Variants in CHSY3 observed in about 807,000 individuals in gnomAD.
CHSY3 encodes the protein N-acetylgalactosaminyl-proteoglycan 3-beta-glucuronosyltransferase 3.
Under a neutral mutation model 67.2 loss-of-function variants are expected in CHSY3, and 35 were observed. The ratio of observed to expected loss-of-function variants is 0.52; its 90% CI spans 0.40 to 0.69. The LOEUF is 0.69. Ranked by LOEUF, CHSY3 falls within the 30% of genes least tolerant of loss-of-function variation. The pLI, the probability that CHSY3 is intolerant of heterozygous loss-of-function variation, is 0.00. For synonymous variants in CHSY3, 474 were observed against 434.7 expected (o/e 1.09, Z -1.12); for missense variants, 1,069 against 1,138.5 (o/e 0.94, Z 0.88).
chr5:129,954,696 A>G (rs1257004474), intron 2 of CHSY3, among the ~76,000 whole-genome samples: 1 of 151,970 alleles, frequency 6.6e-6, no homozygotes, highest in Non-Finnish European at 1.5e-5. Context: ...GAGGTCCTTC[A>G]CATTCCTTGT....
chr5:130,001,978 A>G, intron 2 of CHSY3: 1 of 879,336 alleles, frequency 1.1e-6, no homozygotes, highest in Non-Finnish European at 1.4e-6. Context: ...TGGCTACAAT[A>G]AGCCAATGCT....
intron 2 of CHSY3, among the ~76,000 whole-genome samples, chr5:130,142,258 T>A (rs999076720): frequency 1.3e-5 from 2 of 152,206 alleles, no homozygotes; most frequent in Non-Finnish European, 2.9e-5. Context: ...GAGATGGGGA[T>A]CTTCAGAGTA....
chr5:129,981,684 A>G (rs1762989216), intron 2 of CHSY3, among the ~76,000 whole-genome samples: 1 of 151,976 alleles, frequency 6.6e-6, no homozygotes, highest in Non-Finnish European at 1.5e-5. Flanking sequence ...TGCCTGGCCA[A>G]ATCTGTATAC....
At chr5:130,176,032 A>G (rs1770038181) in intron 2 of CHSY3, among the ~76,000 whole-genome samples, 1 of 152,228 alleles carries the variant, frequency 6.6e-6, no homozygotes, top group African/African-American at 2.4e-5. Context: ...GCTTCTGCAC[A>G]GTAAAAGAAA....
intron 2 of CHSY3, among the ~76,000 whole-genome samples, chr5:130,112,847 C>A (rs920203847): frequency 2.0e-5 from 3 of 152,088 alleles, no homozygotes; most frequent in Admixed American, 2.0e-4. Context: ...ATGCCTTTGA[C>A]CACAACCCAA....
chr5:130,102,634 T>G (rs1251564245), intron 2 of CHSY3, among the ~76,000 whole-genome samples: 1 of 152,048 alleles, frequency 6.6e-6, no homozygotes, highest in African/African-American at 2.4e-5. Context: ...CACATAATAT[T>G]CCATCTGCTA....
At chr5:129,989,517 G>A (rs1451822311) in intron 2 of CHSY3, among the ~76,000 whole-genome samples, 1 of 152,046 alleles carries the variant, frequency 6.6e-6, no homozygotes, top group African/African-American at 2.4e-5. Context: ...CCTCACCCAG[G>A]CCTTAACACC....
chr5:130,128,229 G>GGTGTGTGTGTGTGTGTGTGTGT (rs112570550), intron 2 of CHSY3, among the ~76,000 whole-genome samples: 40 of 147,368 alleles, frequency 2.7e-4, no homozygotes, highest in African/African-American at 9.8e-4. Context: ...AAGAAAATGT[G>GGTGTGTGTGTGTGTGTGTGTGT]GTGTGTGTGT....
Position 130,132,417 on chromosome 5 carries a change from A to C in CHSY3, c.1087-51812A>C, listed in dbSNP as rs146662105. On this transcript the variant is annotated intron_variant, in intron 2 of 2. Coordinates refer to ENST00000305031, the MANE Select transcript of CHSY3 (RefSeq NM_175856.5). The stretch of plus-strand genomic sequence containing the variant: ...TGATCATGGACCTCAGAGAGCATAA[A>C]GTCTGGAACAAGAAGAAATAATAAG... Among the ~76,000 whole-genome samples, 1,489 of 152,140 alleles carry C rather than the reference A, an allele frequency of 9.8e-3. 29 individuals are homozygous for C. Among genetic ancestry groups the C allele is most frequent in the African/African-American group, 0.034 (1,416 of 41,582 alleles).
intron 2 of CHSY3, among the ~76,000 whole-genome samples, chr5:129,978,880 T>G (rs554248869): frequency 2.6e-5 from 4 of 152,146 alleles, no homozygotes; most frequent in Non-Finnish European, 4.4e-5. Flanking sequence ...AAGCCTTAAT[T>G]AGCATTATAC....
intron 2 of CHSY3, among the ~76,000 whole-genome samples, chr5:129,937,068 C>A (rs1761517287): frequency 6.6e-6 from 1 of 152,156 alleles, no homozygotes. Context: ...CTGTCTCATC[C>A]ACTTGAAGGT....
At chr5:129,907,638 GGCAAA>G (rs1290539275) in intron 1 of CHSY3, among the ~76,000 whole-genome samples, 2 of 152,034 alleles carry the variant, frequency 1.3e-5, no homozygotes, top group African/African-American at 4.8e-5. Flanking sequence ...TTTAGTTAAT[GGCAAA>G]ACACTGAACT....
intron 2 of CHSY3, among the ~76,000 whole-genome samples, chr5:130,107,685 G>A (rs966891338): frequency 2.6e-5 from 4 of 151,550 alleles, no homozygotes; most frequent in African/African-American, 9.7e-5. Flanking sequence ...GCCCTGGCAG[G>A]CAGGCCTTTG....
intron 2 of CHSY3, among the ~76,000 whole-genome samples, chr5:129,996,234 C>T (rs1391161511): frequency 1.3e-5 from 2 of 152,134 alleles, no homozygotes; most frequent in East Asian, 3.9e-4. Context: ...TTTAGGTCAC[C>T]TTGGAACCTC....
intron 2 of CHSY3, among the ~76,000 whole-genome samples, chr5:130,074,123 T>G (rs1766177500): frequency 6.6e-6 from 1 of 152,122 alleles, no homozygotes; most frequent in Non-Finnish European, 1.5e-5. Flanking sequence ...CAGGCTGGAG[T>G]GCAGTAGCAC....
chr5:130,127,173 G>T (rs1210050231), intron 2 of CHSY3, among the ~76,000 whole-genome samples: 1 of 152,136 alleles, frequency 6.6e-6, no homozygotes, highest in South Asian at 2.1e-4. Flanking sequence ...ACATGACTTA[G>T]TGTAGATCAT....
At chr5:130,079,227 G>A (rs1176362535) in intron 2 of CHSY3, among the ~76,000 whole-genome samples, 1 of 152,092 alleles carries the variant, frequency 6.6e-6, no homozygotes, top group Non-Finnish European at 1.5e-5. Flanking sequence ...GCTCAAAGCT[G>A]AGGTCAGAGC....
chr5:130,111,130 T>A (rs958259495), intron 2 of CHSY3, among the ~76,000 whole-genome samples: 1 of 152,084 alleles, frequency 6.6e-6, no homozygotes, highest in African/African-American at 2.4e-5. Context: ...GCAGCTCAAA[T>A]CCTATTTGCC....
At chr5:129,932,284 G>T (rs973205819) in intron 2 of CHSY3, among the ~76,000 whole-genome samples, 1 of 151,520 alleles carries the variant, frequency 6.6e-6, no homozygotes, top group East Asian at 1.9e-4. Flanking sequence ...GTTGATGTTG[G>T]GGCTCAAGTA....
Sources: allele counts gnomAD v4.1 joint callset (sites outside exome capture counted in the v4.1 genomes callset), GRCh38; gene constraint gnomAD v4.1.1; transcripts MANE v1.5; gene names NCBI Gene and HGNC (gene_info 2026-07-23, HGNC 2026-07-21).